Variants in TBX1 observed in about 807,000 individuals in gnomAD.
TBX1 encodes the protein T-box transcription factor TBX1.
TBX1 carries 16 observed loss-of-function variants against 40.8 expected under a neutral mutation model. The ratio of observed to expected loss-of-function variants is 0.39; its 90% confidence interval spans 0.27 to 0.60. TBX1 has a LOEUF of 0.60. TBX1 is among the 20% of genes least tolerant of loss of function. TBX1 has a pLI of 0.51. For synonymous variants in TBX1, 403 were observed against 336.8 expected (o/e 1.20, Z -2.15); for missense variants, 755 against 728.5 (o/e 1.04, Z -0.42).
In TBX1 at chr22:19,779,338, C is replaced by CGCAGAGT; in HGVS notation, c.1131_1137dup (p.Gln380ArgfsTer18). On this transcript the variant is annotated frameshift_variant, in exon 9 of 9. Coordinates refer to the TBX1 transcript ENST00000329705. LOFTEE classifies it low-confidence loss of function (END_TRUNC). ...GTGTGAACCTGGGGCTCCCCTGCCC[C>CGCAGAGT]GCAGAGTGCCAACCCTTCAATACCC... 6.2e-7 allele frequency: 1 copy of CGCAGAGT among 1,614,202 alleles called. No homozygotes were observed.
intron 1 of TBX1, among the ~76,000 whole-genome samples, chr22:19,761,499 G>A (rs1281482156): frequency 6.6e-6 from 1 of 151,724 alleles, no homozygotes; most frequent in Non-Finnish European, 1.5e-5. Flanking sequence ...TCCTCCGCCG[G>A]GGCGGGAGGA....
intron 8 of TBX1, among the ~76,000 whole-genome samples, chr22:19,775,222 T>G (rs1449923789): frequency 2.0e-5 from 3 of 152,130 alleles, no homozygotes; most frequent in Non-Finnish European, 4.4e-5. Flanking sequence ...GCCTCCCAAG[T>G]AGCTGGGATT....
intron 1 of TBX1, among the ~76,000 whole-genome samples, chr22:19,762,948 C>G (rs41298812): frequency 6.6e-6 from 1 of 152,156 alleles, no homozygotes; most frequent in African/African-American, 2.4e-5. Flanking sequence ...AGGGCGAGGC[C>G]GAGTTTATGT....
downstream of TBX1, chr22:19,782,865 C>T (rs764318456): frequency 3.7e-6 from 6 of 1,614,044 alleles, no homozygotes; most frequent in Admixed American, 6.7e-5. Flanking sequence ...ACACTTTGAC[C>T]TTCCTCCACC....
intron 8 of TBX1, among the ~76,000 whole-genome samples, chr22:19,777,916 T>C (rs1196563988): frequency 1.3e-5 from 2 of 151,584 alleles, no homozygotes; most frequent in African/African-American, 4.9e-5. Flanking sequence ...CGCACCACCA[T>C]GCCCGGCTAA....
intron 2 of TBX1, among the ~76,000 whole-genome samples, chr22:19,763,864 G>A (rs1255106759): frequency 6.6e-6 from 1 of 152,272 alleles, no homozygotes; most frequent in South Asian, 2.1e-4. Flanking sequence ...AGCGGCACCG[G>A]GGCGGGAGGA....
chr22:19,764,467 T>C (rs947149931), intron 3 of TBX1, 141 bp downstream of exon 3: 22 of 1,086,834 alleles, frequency 2.0e-5, no homozygotes, highest in Non-Finnish European at 3.0e-5. Context: ...GGAGGCCCTT[T>C]AGAGTCCCTG....
downstream of TBX1, among the ~76,000 whole-genome samples, chr22:19,780,157 G>T (rs1383836198): frequency 1.3e-5 from 2 of 152,192 alleles, no homozygotes; most frequent in Admixed American, 6.5e-5. Flanking sequence ...GTAGCCCTTT[G>T]TAAGTGTACA....
At chr22:19,759,767 A>T, upstream of TBX1, 1 of 1,438,028 alleles carries the variant, frequency 7.0e-7, no homozygotes, top group Non-Finnish European at 9.6e-7. Flanking sequence ...AGGTGGAGGC[A>T]GCTCTTGGTA....
upstream of TBX1, chr22:19,759,495 T>C (rs541743091): frequency 6.7e-7 from 1 of 1,484,464 alleles, no homozygotes; most frequent in South Asian, 1.3e-5. Context: ...CGGGCGCCTA[T>C]GGACGCGCGG....
chr22:19,764,710 G>C (rs1936776762), intron 3 of TBX1, among the ~76,000 whole-genome samples: 1 of 152,226 alleles, frequency 6.6e-6, no homozygotes, highest in Non-Finnish European at 1.5e-5. Context: ...GAGGTCGCTG[G>C]GCAGGCACCT....
rs984681986 is a variant in TBX1, at chr22:19,761,082, C to A, written c.239C>A (p.Pro80Gln). Residue 80 changes from proline to glutamine, a missense_variant, in exon 1 of 7, where the codon CCG becomes CAG. Pro to Gln is a moderately conservative substitution (Grantham distance 76, BLOSUM62 -1). This residue lies in a region of TBX1 where 199 missense variants were observed against 173.0 expected (regional missense o/e 1.15). Transcript: ENST00000649276. The part of the protein sequence containing the change: ...PGPPPPPHAY[P>Q]FAPAAGAATS... Reference sequence around the variant, plus strand: ...CCGCCGCCGCCGCCGCACGCCTACCCGTTTGCGCCGGCCGCCGGGGCCGCC... The same window carrying A: ...CCGCCGCCGCCGCCGCACGCCTACCAGTTTGCGCCGGCCGCCGGGGCCGCC... The A allele has an allele frequency of 8.7e-6, 9 of 1,031,574 alleles. No individual in the cohort carries two copies. The African/African-American group carries it at 1.6e-4, about 18-fold the overall frequency. The allele number at this position is 1,031,574 out of a possible 1,614,324, so 63.9% of individuals were successfully genotyped here.
At chr22:19,783,014 G>A (rs1937156881), downstream of TBX1, 2 of 1,032,110 alleles carry the variant, frequency 1.9e-6, no homozygotes, top group Non-Finnish European at 3.1e-6. Context: ...ACACTGCAAG[G>A]ACACTTGAAG....
At chr22:19,782,259 AAC>A (rs1937149592), downstream of TBX1, among the ~76,000 whole-genome samples, 1 of 152,228 alleles carries the variant, frequency 6.6e-6, no homozygotes, top group South Asian at 2.1e-4. Context: ...TGGATATCTT[AAC>A]AATGTTAAGT....
At chr22:19,769,048 C>T (rs1452183601), downstream of TBX1, among the ~76,000 whole-genome samples, 1 of 150,388 alleles carries the variant, frequency 6.6e-6, no homozygotes, top group African/African-American at 2.5e-5. Flanking sequence ...GCAACCTCCG[C>T]CTCCTGGGTT....
upstream of TBX1, among the ~76,000 whole-genome samples, chr22:19,756,915 G>A (rs1286821063): frequency 6.6e-6 from 1 of 151,926 alleles, no homozygotes; most frequent in African/African-American, 2.4e-5. Context: ...CGGGTGGCGG[G>A]GTGGCGGGGC....
intron 4 of TBX1, 116 bp downstream of exon 4, chr22:19,765,229 G>C: frequency 1.3e-6 from 2 of 1,509,182 alleles, no homozygotes; most frequent in Non-Finnish European, 1.8e-6. Flanking sequence ...TGTGGTCCCA[G>C]TGGAGCCCAA....
At chr22:19,768,938 G>A (rs1443074006), downstream of TBX1, among the ~76,000 whole-genome samples, 1 of 125,852 alleles carries the variant, frequency 7.9e-6, no homozygotes, top group Non-Finnish European at 1.7e-5. Flanking sequence ...CTGGCCATCC[G>A]GGGCTGTTCG....
chr22:19,780,782 T>A (rs927441897), downstream of TBX1, among the ~76,000 whole-genome samples: 1 of 144,338 alleles, frequency 6.9e-6, no homozygotes, highest in African/African-American at 2.6e-5. Context: ...TTCTGTTTTT[T>A]TTTTTGTTTT....
Sources: allele counts gnomAD v4.1 joint callset (sites outside exome capture counted in the v4.1 genomes callset), GRCh38; gene constraint gnomAD v4.1.1; regional missense constraint gnomAD v4.1.1; transcripts MANE v1.5; gene names NCBI Gene and HGNC (gene_info 2026-07-23, HGNC 2026-07-21).